DOC2B: variants seen among roughly 807,000 people sequenced by gnomAD.
DOC2B encodes double C2 domain beta.
DOC2B carries 21 observed loss-of-function variants against 28.9 expected under a neutral mutation model. That is an observed-to-expected ratio of 0.73 (90% CI 0.52 to 1.05). The LOEUF is 1.05. DOC2B is among the 50% of genes least tolerant of loss of function. The pLI is 0.00. For missense variants in DOC2B, 384 were observed against 421.1 expected (o/e 0.91, Z 0.77); for synonymous variants, 194 against 178.1 (o/e 1.09, Z -0.71).
chr17:152,258 T>C (rs2040080652), intron 6 of DOC2B, among the ~76,000 whole-genome samples: 1 of 152,084 alleles, frequency 6.6e-6, no homozygotes, highest in African/African-American at 2.4e-5. Flanking sequence ...GGGCATGAAA[T>C]GGAGATAACA....
At chr17:179,130 G>A (rs1018079084) in intron 1 of DOC2B, among the ~76,000 whole-genome samples, 10 of 152,238 alleles carry the variant, frequency 6.6e-5, no homozygotes, top group Non-Finnish European at 1.3e-4. Flanking sequence ...CTCTGAGCCC[G>A]TCTTCAGCAT....
intron 5 of DOC2B, among the ~76,000 whole-genome samples, chr17:157,999 C>A (rs559705130): frequency 6.6e-6 from 1 of 152,328 alleles, no homozygotes; most frequent in South Asian, 2.1e-4. Context: ...TCTCAGGGTG[C>A]TGGATGTGGC....
At chr17:170,636 G>A (rs1446648662) in intron 2 of DOC2B, among the ~76,000 whole-genome samples, 2 of 152,200 alleles carry the variant, frequency 1.3e-5, no homozygotes, top group Admixed American at 6.5e-5. Context: ...CTTACCTTGC[G>A]AGAGAACATC....
At chr17:150,206 CAA>C (rs2040057142) in intron 6 of DOC2B, among the ~76,000 whole-genome samples, 1 of 152,214 alleles carries the variant, frequency 6.6e-6, no homozygotes, top group Admixed American at 6.5e-5. Flanking sequence ...AACTTCTTTG[CAA>C]AGCTTCTCAC....
chr17:172,026 G>A (rs1465632482), intron 2 of DOC2B, among the ~76,000 whole-genome samples: 2 of 151,912 alleles, frequency 1.3e-5, no homozygotes, highest in East Asian at 1.9e-4. Flanking sequence ...GGGGTCCACA[G>A]GCACCCACAA....
At chr17:177,206 A>G (rs1301631664) in intron 1 of DOC2B, among the ~76,000 whole-genome samples, 4 of 152,170 alleles carry the variant, frequency 2.6e-5, no homozygotes, top group Non-Finnish European at 5.9e-5. Flanking sequence ...GAAATGAGCC[A>G]TCATCCCTGC....
chr17:164,312 C>A (rs1335537853), intron 2 of DOC2B, 108 bp from the exon 3 acceptor site: 4 of 853,122 alleles, frequency 4.7e-6, no homozygotes, highest in Non-Finnish European at 7.5e-6. Flanking sequence ...CCATTCATGG[C>A]CCCTTTCACA....
In DOC2B at chr17:161,480, G is replaced by A. The variant is rs1006027225; in HGVS notation, c.700C>T (p.Pro234Ser). The change falls in exon 5 of 9, where the codon CCC becomes TCC. Residue 234 changes from proline (P) to serine (S), a missense_variant. Coordinates refer to ENST00000613549, the MANE Select transcript of DOC2B (RefSeq NM_003585.5). ...TGGTTGGGTTTCAGCTTCTTCAGGG[G>A]CACACGTGTCTCCCCGATGAACTCA... is the stretch of plus-strand genomic sequence containing the variant. ...HNEFIGETRVPLKKLKPNHTK... is the reference protein window; with the variant it reads ...HNEFIGETRVSLKKLKPNHTK... The A allele has an allele frequency of 2.3e-5, 36 of 1,551,614 alleles. No individual in the cohort carries two copies. The highest frequency in any genetic ancestry group is 1.7e-4 in the Middle Eastern group (1 of 6,012).
chr17:161,074 C>T (rs768181871), intron 5 of DOC2B, among the ~76,000 whole-genome samples: 74 of 152,090 alleles, frequency 4.9e-4, no homozygotes, highest in Non-Finnish European at 4.0e-4. Flanking sequence ...GCCCTCCTAC[C>T]GCTGCCAAGG....
intron 6 of DOC2B, among the ~76,000 whole-genome samples, chr17:152,765 T>C (rs1331250295): frequency 6.6e-6 from 1 of 152,090 alleles, no homozygotes; most frequent in Non-Finnish European, 1.5e-5. Context: ...AGTGAGTCAC[T>C]GTCTCAAAAA....
intron 2 of DOC2B, among the ~76,000 whole-genome samples, chr17:166,338 T>C (rs2040264354): frequency 1.3e-5 from 2 of 152,274 alleles, no homozygotes; most frequent in Admixed American, 1.3e-4. Flanking sequence ...GCCTGACCTC[T>C]GTCCACGGAA....
chr17:153,515 C>G (rs2040095354), intron 6 of DOC2B, among the ~76,000 whole-genome samples: 1 of 152,230 alleles, frequency 6.6e-6, no homozygotes, highest in East Asian at 1.9e-4. Context: ...CCAGCCTGGC[C>G]AACATGGTGA....
intron 6 of DOC2B, among the ~76,000 whole-genome samples, chr17:154,046 C>T (rs372775841): frequency 1.3e-5 from 2 of 152,184 alleles, no homozygotes; most frequent in Non-Finnish European, 2.9e-5. Flanking sequence ...AACACGTGGC[C>T]GTCTGTGTCT....
intron 3 of DOC2B, 121 bp downstream of exon 3, chr17:164,009 G>T: frequency 1.4e-6 from 1 of 722,882 alleles, no homozygotes; most frequent in Non-Finnish European, 2.3e-6. Flanking sequence ...GGGAGTGGCA[G>T]CTGTGGGCCT....
At chr17:160,731 G>A (rs2040191774) in intron 5 of DOC2B, among the ~76,000 whole-genome samples, 1 of 152,174 alleles carries the variant, frequency 6.6e-6, no homozygotes, top group Admixed American at 6.5e-5. Flanking sequence ...AAGGGAGGAT[G>A]GGGGAGGGAA....
At chr17:165,029 C>T (rs2040246149) in intron 2 of DOC2B, among the ~76,000 whole-genome samples, 1 of 152,150 alleles carries the variant, frequency 6.6e-6, no homozygotes, top group Non-Finnish European at 1.5e-5. Context: ...CCTCCCAGGC[C>T]CACCCCACCT....
intron 1 of DOC2B, among the ~76,000 whole-genome samples, chr17:180,457 C>T (rs2040427078): frequency 6.6e-6 from 1 of 152,056 alleles, no homozygotes; most frequent in South Asian, 2.1e-4. Flanking sequence ...CGAAGGTGCG[C>T]GGCCCTGGCG....
rs1056794733 is a variant in DOC2B, at chr17:145,081, T to C, written c.*2360A>G. On this transcript the variant is annotated 3_prime_UTR_variant, in exon 9 of 9. Coordinates refer to ENST00000613549, the MANE Select transcript of DOC2B (RefSeq NM_003585.5). ...TTCTGTGTGGAGAAAAGAGGAGCCC[T>C]TGCCTCAGCCCCCAGAGGCTAGGGT... is the stretch of plus-strand genomic sequence containing the variant. 2 of 152,182 alleles carry C rather than the reference T, an allele frequency of 1.3e-5. No homozygotes were observed. The highest frequency in any genetic ancestry group is 1.9e-4 in the East Asian group (1 of 5,182). The allele number at this position is 152,182 out of a possible 1,614,324, so 9.4% of individuals were successfully genotyped here.
rs1031484043 is a variant in DOC2B at position 147,470 on chromosome 17, C to T, written c.1210G>A (p.Glu404Lys). The T allele has an allele frequency of 1.5e-5, 6 of 398,664 alleles. No individual in the cohort carries two copies. The highest frequency in any genetic ancestry group is 2.2e-5 in the Non-Finnish European group (5 of 226,180). The allele number at this position is 398,664 out of a possible 1,614,324, so 24.7% of individuals were successfully genotyped here. Residue 404 changes from glutamate to lysine, a missense_variant, in exon 9 of 9, where the codon GAG (glutamate) becomes AAG (lysine). Transcript: ENST00000613549. ...RIERWHTLTS[E>K]LPGAVLSD is the part of the protein sequence containing the mutation. Reference sequence around the variant, plus strand: ...TCGCTGAGCACAGCCCCTGGGAGCTCGCTGGTGAGCGTGTGCCAGCGCTCG... The same window carrying T: ...TCGCTGAGCACAGCCCCTGGGAGCTTGCTGGTGAGCGTGTGCCAGCGCTCG...
Sources: allele counts gnomAD v4.1 joint callset (sites outside exome capture counted in the v4.1 genomes callset), GRCh38; gene constraint gnomAD v4.1.1; transcripts MANE v1.5; gene names NCBI Gene and HGNC (gene_info 2026-07-23, HGNC 2026-07-21).